Variants in RBFOX1 observed in about 807,000 individuals in gnomAD.
RBFOX1 encodes the protein RNA binding protein fox-1 homolog 1.
Under a neutral mutation model 57.7 loss-of-function variants are expected in RBFOX1, and 8 were observed. The observed-to-expected ratio is 0.14, with a 90% CI of 0.08 to 0.25. The LOEUF is 0.25. RBFOX1 is among the 10% of genes least tolerant of loss of function. The probability of loss-of-function intolerance (pLI) is 1.00; values close to 1 mark genes in which losing one functional copy is unlikely to be tolerated. For missense variants in RBFOX1, 611 were observed against 548.5 expected, an observed-to-expected ratio of 1.11 and a Z score of -1.14; for synonymous variants, 326 against 222.4, an observed-to-expected ratio of 1.47 and a Z score of -4.15.
At chr16:7,413,168 A>G (rs546649970) in intron 4 of RBFOX1, among the ~76,000 whole-genome samples, 22 of 152,330 alleles carry the variant, frequency 1.4e-4, no homozygotes, top group Non-Finnish European at 3.1e-4. Context: ...CCTGATGACA[A>G]TTCCTTTCAT....
chr16:5,996,803 A>G (rs1253453256), intron 4 of RBFOX1, among the ~76,000 whole-genome samples: 3 of 152,232 alleles, frequency 2.0e-5, no homozygotes, highest in East Asian at 1.9e-4. Flanking sequence ...TCCTTTCTCC[A>G]TCTCTGCTAG....
intron 4 of RBFOX1, among the ~76,000 whole-genome samples, chr16:5,977,181 A>G (rs2060081312): frequency 6.6e-6 from 1 of 152,194 alleles, no homozygotes; most frequent in Non-Finnish European, 1.5e-5. Context: ...TTGTGTGGGC[A>G]GAACTGAGGT....
At chr16:5,461,530 T>A (rs1460170561) in intron 1 of RBFOX1, among the ~76,000 whole-genome samples, 1 of 152,206 alleles carries the variant, frequency 6.6e-6, no homozygotes, top group East Asian at 1.9e-4. Flanking sequence ...ATGCAGTTTT[T>A]TCTTCCCTTT....
At chr16:6,841,062 C>A (rs573421446) in intron 3 of RBFOX1, among the ~76,000 whole-genome samples, 1 of 151,924 alleles carries the variant, frequency 6.6e-6, no homozygotes, top group African/African-American at 2.4e-5. Context: ...GTGCAAGCCA[C>A]CTGTTTGTTT....
chr16:6,781,334 TTTG>T (rs2080986728), intron 3 of RBFOX1, among the ~76,000 whole-genome samples: 1 of 152,122 alleles, frequency 6.6e-6, no homozygotes, highest in Admixed American at 6.6e-5. Context: ...TCGGTAGTAT[TTTG>T]TTGAGGATTT....
chr16:6,278,467 C>T (rs912348550), intron 1 of RBFOX1, among the ~76,000 whole-genome samples: 1 of 143,438 alleles, frequency 7.0e-6, no homozygotes, highest in Non-Finnish European at 1.5e-5. Flanking sequence ...TAAATCTGTG[C>T]GTCACCTCCT....
At chr16:5,494,959 G>A (rs957709840) in intron 2 of RBFOX1, among the ~76,000 whole-genome samples, 2 of 152,174 alleles carry the variant, frequency 1.3e-5, no homozygotes, top group African/African-American at 4.8e-5. Context: ...CAGCGTGGTC[G>A]CAGGAGAATA....
chr16:6,556,980 T>C (rs2097106375), intron 2 of RBFOX1, among the ~76,000 whole-genome samples: 1 of 143,776 alleles, frequency 7.0e-6, no homozygotes, highest in South Asian at 2.2e-4. Context: ...TATACACACA[T>C]ACGTATATAT....
intron 3 of RBFOX1, chr16:5,867,296 C>G (rs576774783): frequency 7.6e-5 from 91 of 1,201,252 alleles, no homozygotes; most frequent in Middle Eastern, 3.2e-4. Context: ...TTTTGTTTAA[C>G]TTGCAGGTTT....
chr16:5,895,913 A>G (rs2058153105), intron 4 of RBFOX1, among the ~76,000 whole-genome samples: 1 of 152,232 alleles, frequency 6.6e-6, no homozygotes, highest in Non-Finnish European at 1.5e-5. Flanking sequence ...ACATTTCTAA[A>G]TCAAAAAGAA....
intron 4 of RBFOX1, among the ~76,000 whole-genome samples, chr16:7,397,210 C>T (rs1346622625): frequency 1.2e-4 from 19 of 152,236 alleles, no homozygotes; most frequent in Admixed American, 6.5e-5. Context: ...AGTGTAGTAA[C>T]AGGAAGAGAT....
At chr16:5,351,199 C>G (rs1482996351) in intron 1 of RBFOX1, among the ~76,000 whole-genome samples, 1 of 152,134 alleles carries the variant, frequency 6.6e-6, no homozygotes, top group Non-Finnish European at 1.5e-5. Flanking sequence ...ATTTATTTAA[C>G]TCGACTATGT....
chr16:7,701,546 G>T (rs553548618), intron 14 of RBFOX1, among the ~76,000 whole-genome samples: 11 of 152,292 alleles, frequency 7.2e-5, no homozygotes, highest in Admixed American at 5.9e-4. Flanking sequence ...CTGGTCTGTG[G>T]AAAAACTGTC....
chr16:7,299,561 C>G (rs1336398608), intron 4 of RBFOX1, among the ~76,000 whole-genome samples: 2 of 152,208 alleles, frequency 1.3e-5, no homozygotes, highest in African/African-American at 2.4e-5. Context: ...GCCCTTTACT[C>G]TGAAAAAGGA....
At chr16:6,880,121 C>G (rs1192602603) in intron 3 of RBFOX1, among the ~76,000 whole-genome samples, 1 of 152,184 alleles carries the variant, frequency 6.6e-6, no homozygotes, top group Non-Finnish European at 1.5e-5. Context: ...CGAGTTACTT[C>G]TTGTCAGTGG....
chr16:6,054,277 T>C (rs1246035764), intron 1 of RBFOX1, among the ~76,000 whole-genome samples: 2 of 152,152 alleles, frequency 1.3e-5, no homozygotes, highest in Non-Finnish European at 2.9e-5. Context: ...TTATAATAAT[T>C]ATGGATAATA....
At chr16:6,539,188 T>G (rs1567606062) in intron 2 of RBFOX1, among the ~76,000 whole-genome samples, 1 of 152,140 alleles carries the variant, frequency 6.6e-6, no homozygotes, top group East Asian at 1.9e-4. Context: ...AACTTCTACT[T>G]GAATCATTGT....
At chr16:6,141,839 A>G (rs1007050133) in intron 1 of RBFOX1, among the ~76,000 whole-genome samples, 4 of 152,174 alleles carry the variant, frequency 2.6e-5, no homozygotes, top group African/African-American at 9.6e-5. Context: ...CAGGCATAAC[A>G]CTTGAGGTCA....
At chr16:7,190,584 A>C (rs2085126473) in intron 4 of RBFOX1, among the ~76,000 whole-genome samples, 1 of 151,998 alleles carries the variant, frequency 6.6e-6, no homozygotes, top group Non-Finnish European at 1.5e-5. Context: ...GAGGTTGCTA[A>C]GAGGGTAGGT....
Sources: gnomAD v4.1 joint callset for allele counts (sites outside exome capture counted in the v4.1 genomes callset) on GRCh38, gnomAD v4.1.1 for gene constraint, MANE v1.5 for transcripts, NCBI Gene and HGNC (gene_info 2026-07-23, HGNC 2026-07-21) for gene names.